ABCA13: variants seen among roughly 807,000 people sequenced by gnomAD.
ABCA13 encodes the protein ATP-binding cassette sub-family A member 13.
In ABCA13, 476 loss-of-function variants were observed where a neutral mutation model predicts 478.7. The observed-to-expected ratio is 0.99, with a 90% confidence interval of 0.92 to 1.07. ABCA13 has a LOEUF of 1.07. ABCA13 is among the 50% of genes least tolerant of loss of function. ABCA13 has a pLI of 0.00. For synonymous variants in ABCA13, 2,252 were observed against 2,158.9 expected (o/e 1.04, Z -1.20); for missense variants, 6,060 against 5,910.6 (o/e 1.03, Z -0.83).
At position 48,273,189 on chromosome 7, in the gene ABCA13, C is replaced by T. The variant is rs1795855935; in HGVS notation, c.3523C>T (p.Leu1175Phe). The change falls in exon 17 of 62, where the codon CTT becomes TTT. Residue 1175 changes from leucine to phenylalanine, a missense_variant. Leu to Phe is a conservative substitution (Grantham distance 22). Transcript: ENST00000435803. ...GTTTGACATGAATGTTTTCACATCT[C>T]TTCATCATGGTTTCACTCAGCTTTT... ...FKFDMNVFTS[L>F]HHGFTQLLDE... 6.2e-7 allele frequency: 1 copy of T among 1,613,538 alleles called. No homozygotes were observed. Among genetic ancestry groups the T allele is most frequent in the Non-Finnish European group, 8.5e-7 (1 of 1,179,760 alleles).
At chr7:48,468,204 C>T (rs996688698) in intron 44 of ABCA13, among the ~76,000 whole-genome samples, 1 of 152,102 alleles carries the variant, frequency 6.6e-6, no homozygotes. Context: ...GACAGCAGAA[C>T]GTATTGGACA....
rs185387214 is a variant in ABCA13, at chr7:48,329,436, A to G, written c.10000-5986A>G. Among the ~76,000 whole-genome samples the G allele has an allele frequency of 8.4e-3, 1,276 of 152,242 alleles. 15 individuals are homozygous for G. Among genetic ancestry groups the G allele is most frequent in the African/African-American group, 0.029 (1,223 of 41,546 alleles). ...CATTATAATTGAGTGTTAGCATCCT[A>G]GGGGGCTGGCTGTGTGCCCTCTAAA... On this transcript the variant is annotated intron_variant, in intron 27 of 61. Coordinates refer to ENST00000435803, the MANE Select transcript of ABCA13 (RefSeq NM_152701.5).
intron 55 of ABCA13, among the ~76,000 whole-genome samples, chr7:48,567,221 GA>G (rs1787158023): frequency 6.6e-6 from 1 of 152,156 alleles, no homozygotes; most frequent in Admixed American, 6.6e-5. Context: ...TTTGAAGGCA[GA>G]AAGACCTTTT....
Position 48,425,744 on chromosome 7 carries a change from T to TATTTATTC in ABCA13, c.12460-2015_12460-2014insCATTTATT, listed in dbSNP as rs1380836690. Among the ~76,000 whole-genome samples, 3 of 148,412 alleles carry TATTTATTC rather than the reference T, an allele frequency of 2.0e-5. No homozygotes were observed. The East Asian group carries it at 6.0e-4, about 30-fold the overall frequency. ...CTATAATATGTCTTATTTATTTATT[T>TATTTATTC]ATTTATTTATTTTTTCGAGATGGAG... On this transcript the variant is annotated intron_variant, in intron 41 of 61. Coordinates refer to ENST00000435803, the MANE Select transcript of ABCA13 (RefSeq NM_152701.5).
chr7:48,368,338 G>A (rs1812021633), intron 32 of ABCA13, among the ~76,000 whole-genome samples: 1 of 151,782 alleles, frequency 6.6e-6, no homozygotes, highest in Non-Finnish European at 1.5e-5. Flanking sequence ...GGTTTTTTGG[G>A]GAACAGGTGG....
chr7:48,543,766 A>G (rs1784568098), intron 55 of ABCA13, among the ~76,000 whole-genome samples: 1 of 151,930 alleles, frequency 6.6e-6, no homozygotes, highest in Admixed American at 6.6e-5. Context: ...AGATACATAT[A>G]TATTTTTAAT....
At chr7:48,593,625 T>C (rs1789985143) in intron 57 of ABCA13, among the ~76,000 whole-genome samples, 1 of 152,124 alleles carries the variant, frequency 6.6e-6, no homozygotes, top group South Asian at 2.1e-4. Context: ...TTCATGTTGC[T>C]AATTAGAATC....
At chr7:48,314,477 A>T (rs1238695466) in intron 26 of ABCA13, 68 bp downstream of exon 26, 2 of 1,338,876 alleles carry the variant, frequency 1.5e-6, no homozygotes, top group East Asian at 2.5e-5. Flanking sequence ...GCCTTAAATT[A>T]TAGTAAGTAT....
At chr7:48,338,264 C>A in intron 28 of ABCA13, 101 bp from the exon 29 acceptor site, 1 of 824,810 alleles carries the variant, frequency 1.2e-6, no homozygotes, top group Non-Finnish European at 1.7e-6. Flanking sequence ...GTTTATGTGC[C>A]TTGTTCCTTT....
intron 28 of ABCA13, among the ~76,000 whole-genome samples, chr7:48,337,994 A>G (rs1386803057): frequency 6.6e-6 from 1 of 152,146 alleles, no homozygotes; most frequent in Non-Finnish European, 1.5e-5. Flanking sequence ...CATAACAATG[A>G]CCCTCTGTTT....
rs188566438 is a variant in ABCA13 at position 48,210,662 on chromosome 7, G to A, written c.288-8692G>A. ...TTTTACAACTTGCAAAGTTGATCTTGTTATTGATATCTAGTTTTATTCCAC... is the reference window on the plus strand; with the variant it reads ...TTTTACAACTTGCAAAGTTGATCTTATTATTGATATCTAGTTTTATTCCAC... On this transcript the variant is annotated intron_variant, in intron 3 of 61. Coordinates refer to ENST00000435803, the MANE Select transcript of ABCA13 (RefSeq NM_152701.5). 5.3e-3 allele frequency among the ~76,000 whole-genome samples: 809 copies of A among 151,834 alleles called. 5 individuals are homozygous for A. The highest frequency in any genetic ancestry group is 0.019 in the African/African-American group (766 of 41,386).
chr7:48,607,069 C>T (rs1389076930), intron 58 of ABCA13, among the ~76,000 whole-genome samples: 1 of 152,202 alleles, frequency 6.6e-6, no homozygotes, highest in African/African-American at 2.4e-5. Context: ...CAAGCTTGAG[C>T]ATCCCAGGTC....
At chr7:48,277,759 A>G (rs974703546) in intron 17 of ABCA13, among the ~76,000 whole-genome samples, 10 of 152,226 alleles carry the variant, frequency 6.6e-5, no homozygotes, top group Non-Finnish European at 1.2e-4. Context: ...TATCTCTTAC[A>G]TCAAGAATCA....
intron 44 of ABCA13, among the ~76,000 whole-genome samples, chr7:48,467,490 T>C (rs1827011506): frequency 6.6e-6 from 1 of 152,154 alleles, no homozygotes. Flanking sequence ...CTGGGGTGAA[T>C]TACTTTGAAA....
intron 38 of ABCA13, among the ~76,000 whole-genome samples, chr7:48,394,430 C>T (rs1816534481): frequency 6.6e-6 from 1 of 152,176 alleles, no homozygotes; most frequent in Admixed American, 6.5e-5. Flanking sequence ...CGTCCTGGCT[C>T]TTCTCAGACA....
In ABCA13 at chr7:48,638,871, T is replaced by C. The variant is rs369156303; in HGVS notation, c.14838-4417T>C. Among the ~76,000 whole-genome samples, 3 of 152,192 alleles carry C rather than the reference T, an allele frequency of 2.0e-5. No homozygotes were observed. In the South Asian group the frequency reaches 6.2e-4, roughly 32 times the overall value. On this transcript the variant is annotated intron_variant, in intron 59 of 61. Transcript: ENST00000435803. Reference sequence around the variant, plus strand: ...TGTGAAAGTATTAATATAAAGGATATAAGAGCATTAACGATTAGATGAGAT... The same window carrying C: ...TGTGAAAGTATTAATATAAAGGATACAAGAGCATTAACGATTAGATGAGAT...
In ABCA13 at chr7:48,279,762, C is replaced by T; in HGVS notation, c.8568C>T (p.Thr2856=). 6.2e-7 allele frequency: 1 copy of T among 1,610,864 alleles called. No individual in the cohort carries two copies. Among genetic ancestry groups the T allele is most frequent in the Non-Finnish European group, 8.5e-7 (1 of 1,179,112 alleles). ...TTTTTGAGATTTTCATTAAAGCAAC[C>T]ACCGGAAAGAATGTCACATCAGAAA... ...QPLFEIFIKA[T]TGKNVTSEKE... Residue 2856 remains threonine, a synonymous_variant, in exon 18 of 62, where the codon ACC becomes ACT. Coordinates refer to ENST00000435803, the MANE Select transcript of ABCA13 (RefSeq NM_152701.5).
chr7:48,362,840 G>C (rs1294940496), intron 31 of ABCA13, among the ~76,000 whole-genome samples: 2 of 151,754 alleles, frequency 1.3e-5, no homozygotes, highest in Non-Finnish European at 2.9e-5. Context: ...GTTGCCTTTT[G>C]TACTGTTAAA....
chr7:48,324,463 A>G (rs1803998521), intron 27 of ABCA13, among the ~76,000 whole-genome samples: 1 of 152,198 alleles, frequency 6.6e-6, no homozygotes, highest in African/African-American at 2.4e-5. Flanking sequence ...GAATTTGGGA[A>G]GCACATAATT....
Sources: allele counts gnomAD v4.1 joint callset (sites outside exome capture counted in the v4.1 genomes callset), GRCh38; gene constraint gnomAD v4.1.1; transcripts MANE v1.5; gene names NCBI Gene and HGNC (gene_info 2026-07-23, HGNC 2026-07-21).